Variants in CCDC146 observed in about 807,000 individuals in gnomAD.
CCDC146 encodes the protein coiled-coil domain containing 146.
Under a neutral mutation model 119.3 loss-of-function variants are expected in CCDC146, and 92 were observed. That is an observed-to-expected ratio of 0.77 (90% CI 0.65 to 0.92). The LOEUF is 0.92. CCDC146 is among the 40% of genes least tolerant of loss of function. The pLI, the probability that CCDC146 is intolerant of heterozygous loss-of-function variation, is 0.00. For synonymous variants in CCDC146, 372 were observed against 371.8 expected, an observed-to-expected ratio of 1.00 and a Z score of -0.01; for missense variants, 1,000 against 1,103.0, an observed-to-expected ratio of 0.91 and a Z score of 1.32.
chr7:77,182,621 A>T (rs1419881881), intron 2 of CCDC146, among the ~76,000 whole-genome samples: 1 of 152,058 alleles, frequency 6.6e-6, no homozygotes, highest in Non-Finnish European at 1.5e-5. Context: ...AAAACAAATA[A>T]ACAAACAAAA....
chr7:77,150,443 A>G (rs1791093177), intron 1 of CCDC146, among the ~76,000 whole-genome samples: 1 of 152,238 alleles, frequency 6.6e-6, no homozygotes. Context: ...TGGCAAAAAG[A>G]AGTGTATGAA....
chr7:77,129,209 C>G (rs1790749318), intron 1 of CCDC146, among the ~76,000 whole-genome samples: 2 of 152,126 alleles, frequency 1.3e-5, no homozygotes, highest in Admixed American at 6.5e-5. Flanking sequence ...TCACTCCATC[C>G]TTTGTGCAGC....
rs58551804 is a variant in CCDC146, at chr7:77,168,140, C to T, written c.156+316C>T. ...ATTTCTTTTATTATTGCATATACTA[C>T]ATTTACTTCCATAAAATTAAAATAT... On this transcript the variant is annotated intron_variant, in intron 2 of 18. Transcript: ENST00000285871. Among the ~76,000 whole-genome samples, 568 of 152,232 alleles carry T rather than the reference C, an allele frequency of 3.7e-3. 3 individuals are homozygous for T. Among genetic ancestry groups the T allele is most frequent in the African/African-American group, 6.8e-3 (283 of 41,574 alleles).
At chr7:77,134,304 A>G (rs1216112576) in intron 1 of CCDC146, among the ~76,000 whole-genome samples, 1 of 152,214 alleles carries the variant, frequency 6.6e-6, no homozygotes, top group Non-Finnish European at 1.5e-5. Flanking sequence ...AGAAATAATT[A>G]TAAATCAAAT....
intron 1 of CCDC146, among the ~76,000 whole-genome samples, chr7:77,138,588 A>G (rs1016083253): frequency 1.3e-5 from 2 of 152,260 alleles, no homozygotes; most frequent in African/African-American, 4.8e-5. Flanking sequence ...CAAAAAAATG[A>G]GAAAACCCAC....
chr7:77,282,639 G>T lies in CCDC146; in HGVS notation c.2002G>T (p.Gly668Ter), dbSNP rs752615697. 1 of 1,612,268 alleles carries T rather than the reference G, an allele frequency of 6.2e-7. No individual in the cohort carries two copies. Among genetic ancestry groups the T allele is most frequent in the South Asian group, 1.1e-5 (1 of 91,046 alleles). Residue 668 changes from glycine to a stop codon, truncating the protein, a stop_gained, in exon 15 of 19, where the codon GGA (glycine) becomes TGA (stop). Transcript: ENST00000285871. LOFTEE classifies it high-confidence loss of function. ...INIQEKMKLNGEIEIHLLEEK... is the reference protein window; with the variant it reads ...INIQEKMKLN ...TATCCAAGAGAAGATGAAACTAAAT[G>T]GAGAAATTGAAATACATCTACTGGA...
intron 1 of CCDC146, among the ~76,000 whole-genome samples, chr7:77,162,590 G>C (rs1398272642): frequency 6.6e-6 from 1 of 151,938 alleles, no homozygotes; most frequent in Non-Finnish European, 1.5e-5. Flanking sequence ...TAGCATTGTT[G>C]TTCCTGCCTA....
chr7:77,285,172 C>T (rs1447385152), intron 15 of CCDC146, among the ~76,000 whole-genome samples: 1 of 152,104 alleles, frequency 6.6e-6, no homozygotes, highest in African/African-American at 2.4e-5. Context: ...TATTTTGGGA[C>T]ACAAGGACAC....
intron 2 of CCDC146, among the ~76,000 whole-genome samples, chr7:77,205,314 T>G (rs1213259912): frequency 1.3e-5 from 2 of 152,232 alleles, no homozygotes; most frequent in Non-Finnish European, 2.9e-5. Context: ...TATAACCTTA[T>G]TTTAAGTGTG....
At chr7:77,203,889 A>G (rs1436450421) in intron 2 of CCDC146, among the ~76,000 whole-genome samples, 1 of 152,172 alleles carries the variant, frequency 6.6e-6, no homozygotes, top group Non-Finnish European at 1.5e-5. Flanking sequence ...CGCATATGAA[A>G]TTTTACTTTC....
At chr7:77,148,342 G>C (rs1453519504) in intron 1 of CCDC146, among the ~76,000 whole-genome samples, 2 of 152,126 alleles carry the variant, frequency 1.3e-5, no homozygotes, top group Non-Finnish European at 2.9e-5. Context: ...GGAATACCCT[G>C]ACCCCTTGTG....
intron 2 of CCDC146, among the ~76,000 whole-genome samples, chr7:77,212,023 A>C (rs1792194110): frequency 6.6e-6 from 1 of 152,202 alleles, no homozygotes. Flanking sequence ...AGGGTGCCTG[A>C]TATGAGCATG....
chr7:77,266,835 T>C (rs1159212877), intron 9 of CCDC146, among the ~76,000 whole-genome samples: 1 of 152,126 alleles, frequency 6.6e-6, no homozygotes, highest in African/African-American at 2.4e-5. Context: ...ACTCACCTGC[T>C]CAAGACATTC....
intron 2 of CCDC146, chr7:77,199,978 T>A (rs1791956984): frequency 3.5e-6 from 2 of 577,404 alleles, no homozygotes; most frequent in Non-Finnish European, 6.0e-6. Flanking sequence ...AAACTGTAAC[T>A]TACTCTCAAT....
intron 1 of CCDC146, among the ~76,000 whole-genome samples, chr7:77,143,887 T>C (rs1232572097): frequency 6.6e-6 from 1 of 151,820 alleles, no homozygotes; most frequent in Non-Finnish European, 1.5e-5. Flanking sequence ...TAGGATTGAC[T>C]TGGCAATGTG....
At chr7:77,240,957 A>C (rs1275798957) in intron 3 of CCDC146, among the ~76,000 whole-genome samples, 5 of 140,986 alleles carry the variant, frequency 3.5e-5, no homozygotes, top group South Asian at 2.3e-4. Flanking sequence ...TTTTTAAATC[A>C]CGTTGACATT....
At chr7:77,146,285 CTT>C (rs1791018182) in intron 1 of CCDC146, among the ~76,000 whole-genome samples, 1 of 152,074 alleles carries the variant, frequency 6.6e-6, no homozygotes, top group South Asian at 2.1e-4. Context: ...TCCTCCATCT[CTT>C]TATTTTGAGC....
chr7:77,134,145 T>C (rs1322210216), intron 1 of CCDC146, among the ~76,000 whole-genome samples: 1 of 147,436 alleles, frequency 6.8e-6, no homozygotes, highest in Admixed American at 6.7e-5. Context: ...AGAGGGAGGG[T>C]TGACTGGATT....
At chr7:77,254,331 G>C (rs551100916) in intron 4 of CCDC146, among the ~76,000 whole-genome samples, 175 bp from the exon 5 acceptor site, 1 of 152,300 alleles carries the variant, frequency 6.6e-6, no homozygotes, top group South Asian at 2.1e-4. Context: ...TCCTGGGGAG[G>C]AGGAAGCACC....
Sources: allele counts gnomAD v4.1 joint callset (sites outside exome capture counted in the v4.1 genomes callset), GRCh38; gene constraint gnomAD v4.1.1; transcripts MANE v1.5; gene names NCBI Gene and HGNC (gene_info 2026-07-23, HGNC 2026-07-21).